The following HPCAL1 variants were observed in gnomAD, a reference collection of about 807,000 sequenced individuals.
The protein encoded by HPCAL1 is hippocalcin like 1, also known as hippocalcin-like protein 1.
HPCAL1 carries 8 observed loss-of-function variants against 17.1 expected under a neutral mutation model. That is an observed-to-expected ratio of 0.47 (90% CI 0.27 to 0.84). HPCAL1 has a LOEUF of 0.84. Ranked by LOEUF, HPCAL1 falls within the 40% of genes least tolerant of loss-of-function variation. The probability of loss-of-function intolerance (pLI) is 0.13; values close to 1 mark genes in which losing one functional copy is unlikely to be tolerated. For missense variants in HPCAL1, 165 were observed against 271.1 expected, an observed-to-expected ratio of 0.61 and a Z score of 2.75; for synonymous variants, 112 against 111.4, an observed-to-expected ratio of 1.01 and a Z score of -0.03.
At chr2:10,388,440 A>G (rs116802770) in intron 1 of HPCAL1, among the ~76,000 whole-genome samples, 76 of 152,218 alleles carry the variant, frequency 5.0e-4, no homozygotes, top group African/African-American at 1.5e-3. Context: ...CTTCCTGCCT[A>G]TGGAAGGTCC....
intron 1 of HPCAL1, among the ~76,000 whole-genome samples, chr2:10,305,384 T>C (rs1429335441): frequency 1.3e-5 from 2 of 152,234 alleles, no homozygotes; most frequent in African/African-American, 2.4e-5. Context: ...GTTTCACTTT[T>C]GAAAGTGCCT....
Position 10,359,655 on chromosome 2 carries a change from C to T in HPCAL1, c.-110-37180C>T, listed in dbSNP as rs1666400671. Among the ~76,000 whole-genome samples, 1 of 152,230 alleles carries T rather than the reference C, an allele frequency of 6.6e-6. No individual in the cohort carries two copies. The highest frequency in any genetic ancestry group is 1.5e-5 in the Non-Finnish European group (1 of 68,038). The stretch of plus-strand genomic sequence containing the variant: ...AAGCTCTGGTGGCCTTCCAGGCCCA[C>T]TCAGTGGCTGGCGGTCCCACCTCCA... On this transcript the variant is annotated intron_variant, in intron 1 of 4. Coordinates refer to ENST00000307845, the MANE Select transcript of HPCAL1 (RefSeq NM_002149.4). This position sits in a 1 kb window ranked among gnomAD's most constrained non-coding sequence, Gnocchi z 4.1.
In HPCAL1 at chr2:10,342,903, C is replaced by G. The variant is rs1665185681; in HGVS notation, c.-111+39726C>G. On this transcript the variant is annotated intron_variant, in intron 1 of 4. Coordinates refer to ENST00000307845, the MANE Select transcript of HPCAL1 (RefSeq NM_002149.4). This position sits in a 1 kb window ranked among gnomAD's most constrained non-coding sequence, Gnocchi z 4.1. ...TTGGTACCTCTCCCCGCTGCCTTCC[C>G]CCGGCCCCTTTTTGGACAGGATGTT... Among the ~76,000 whole-genome samples, 1 of 152,196 alleles carries G rather than the reference C, an allele frequency of 6.6e-6. No individual in the cohort carries two copies. Among genetic ancestry groups the G allele is most frequent in the Non-Finnish European group, 1.5e-5 (1 of 68,046 alleles).
rs539474676 is a variant in HPCAL1, at chr2:10,422,695, G to A, written c.379-288G>A. On this transcript the variant is annotated intron_variant, in intron 3 of 4. Transcript: ENST00000307845. ...CTCTCCCTCAGCATTCCCAGCCCCCGACAGGGACACTTAGGCACCTTCCTG... is the reference window on the plus strand; with the variant it reads ...CTCTCCCTCAGCATTCCCAGCCCCCAACAGGGACACTTAGGCACCTTCCTG... Among the ~76,000 whole-genome samples, 26 of 152,250 alleles carry A rather than the reference G, an allele frequency of 1.7e-4. No homozygotes were observed. In the South Asian group the frequency reaches 5.0e-3, roughly 29 times the overall value.
chr2:10,403,428 T>A (rs1669755651), intron 2 of HPCAL1, among the ~76,000 whole-genome samples: 1 of 150,922 alleles, frequency 6.6e-6, no homozygotes, highest in Non-Finnish European at 1.5e-5. Context: ...CAGTTGAAAA[T>A]GATGCCCTCA....
At chr2:10,372,752 T>C (rs1387255085) in intron 1 of HPCAL1, among the ~76,000 whole-genome samples, 2 of 152,200 alleles carry the variant, frequency 1.3e-5, no homozygotes, top group Non-Finnish European at 2.9e-5. Context: ...GCATCACCTG[T>C]GGAGACGGTG....
intron 2 of HPCAL1, among the ~76,000 whole-genome samples, chr2:10,414,305 C>T (rs555336817): frequency 6.6e-6 from 1 of 152,336 alleles, no homozygotes; most frequent in Admixed American, 6.5e-5. Flanking sequence ...CACGGGACTG[C>T]AGACTGGGCA....
At position 10,331,017 on chromosome 2, in the gene HPCAL1, T is replaced by C. The variant is rs533587105; in HGVS notation, c.-111+27840T>C. ...CAGCCCCGGCCTCTCCAGTTCTCTG[T>C]GTCTTGCCATCTTGGCTTCTTCCTC... On this transcript the variant is annotated intron_variant, in intron 1 of 4. Transcript: ENST00000307845. This position sits in a 1 kb window ranked among gnomAD's most constrained non-coding sequence, Gnocchi z 5.0. 2.0e-5 allele frequency among the ~76,000 whole-genome samples: 3 copies of C among 152,240 alleles called. No homozygotes were observed. The East Asian group carries it at 5.8e-4, about 29-fold the overall frequency.
chr2:10,353,345 C>T (rs956532716), intron 1 of HPCAL1, among the ~76,000 whole-genome samples: 4 of 152,152 alleles, frequency 2.6e-5, no homozygotes, highest in African/African-American at 4.8e-5. Context: ...AAGGAAAGCC[C>T]GTCCTCTAAA....
chr2:10,326,302 G>T (rs1664014182), intron 1 of HPCAL1, among the ~76,000 whole-genome samples: 1 of 152,266 alleles, frequency 6.6e-6, no homozygotes, highest in Admixed American at 6.5e-5. Context: ...GCTACAGGCA[G>T]ATATTGCCCA....
intron 2 of HPCAL1, among the ~76,000 whole-genome samples, chr2:10,407,910 T>G (rs1446035408): frequency 1.3e-5 from 2 of 152,188 alleles, no homozygotes; most frequent in Admixed American, 1.3e-4. Flanking sequence ...AAAAACGCTG[T>G]TAGAATTCAA....
At chr2:10,380,814 G>A (rs113408328) in intron 1 of HPCAL1, among the ~76,000 whole-genome samples, 13,499 of 152,210 alleles carry the variant, frequency 0.089, 1,940 homozygotes, top group African/African-American at 0.3. Context: ...ATCATTGGCC[G>A]CAAAATCTCC....
chr2:10,424,122 T>G, intron 4 of HPCAL1: 1 of 209,438 alleles, frequency 4.8e-6, no homozygotes, highest in Non-Finnish European at 9.9e-6. Flanking sequence ...ACTCCCTGGG[T>G]TGTGCTGGGG....
chr2:10,322,521 G>A (rs1004712027), intron 1 of HPCAL1, among the ~76,000 whole-genome samples: 2 of 152,252 alleles, frequency 1.3e-5, no homozygotes, highest in Non-Finnish European at 2.9e-5. Flanking sequence ...CCAACCAGGG[G>A]GCCCAGTGAG....
chr2:10,357,836 GAA>G (rs112651247), intron 1 of HPCAL1, among the ~76,000 whole-genome samples: 1 of 147,550 alleles, frequency 6.8e-6, no homozygotes, highest in Non-Finnish European at 1.5e-5. Flanking sequence ...CTTTAGGCAG[GAA>G]AAAAAAAAAA....
intron 2 of HPCAL1, among the ~76,000 whole-genome samples, chr2:10,398,789 T>C (rs1383559349): frequency 2.6e-5 from 4 of 152,120 alleles, no homozygotes; most frequent in African/African-American, 9.7e-5. Flanking sequence ...CAGTAGCTGC[T>C]GGGTTGGGAG....
chr2:10,397,929 T>G (rs894580463), intron 2 of HPCAL1, among the ~76,000 whole-genome samples: 30 of 152,174 alleles, frequency 2.0e-4, no homozygotes, highest in African/African-American at 5.6e-4. Context: ...ATATTAAGGT[T>G]GATAAAAACA....
At chr2:10,339,398 C>A (rs921923710) in intron 1 of HPCAL1, among the ~76,000 whole-genome samples, 1 of 152,044 alleles carries the variant, frequency 6.6e-6, no homozygotes, top group African/African-American at 2.4e-5. Flanking sequence ...CTCCGCCTCC[C>A]GGGTTTAAGC....
chr2:10,415,547 G>A (rs1321498859), intron 2 of HPCAL1, among the ~76,000 whole-genome samples: 3 of 152,056 alleles, frequency 2.0e-5, no homozygotes, highest in Non-Finnish European at 2.9e-5. Context: ...GTGTGGTGTC[G>A]GCCCCCGAGG....
Sources: gnomAD v4.1 joint callset for allele counts (sites outside exome capture counted in the v4.1 genomes callset) on GRCh38, gnomAD v4.1.1 for gene constraint, Gnocchi (gnomAD v3.1) non-coding constraint, MANE v1.5 for transcripts, NCBI Gene and HGNC (gene_info 2026-07-23, HGNC 2026-07-21) for gene names.